CSMD1: variants seen among roughly 807,000 people sequenced by gnomAD.
CSMD1 encodes CUB and sushi domain-containing protein 1.
CSMD1 carries 213 observed loss-of-function variants against 417.5 expected under a neutral mutation model. The observed-to-expected ratio is 0.51, with a 90% CI of 0.46 to 0.57. The LOEUF (loss-of-function observed/expected upper bound fraction) is 0.57. CSMD1 is among the 20% of genes least tolerant of loss of function. The pLI is 0.00. For missense variants in CSMD1, 6,923 were observed against 4,529.7 expected (o/e 1.53, Z -15.17); for synonymous variants, 2,862 against 1,736.8 (o/e 1.65, Z -16.11).
At chr8:3,216,281 A>G (rs1797876128) in intron 29 of CSMD1, among the ~76,000 whole-genome samples, 1 of 152,134 alleles carries the variant, frequency 6.6e-6, no homozygotes, top group Non-Finnish European at 1.5e-5. Flanking sequence ...CAGATCAAAT[A>G]AGTAAACCTG....
At chr8:4,308,189 G>C (rs146052543) in intron 3 of CSMD1, among the ~76,000 whole-genome samples, 4 of 152,140 alleles carry the variant, frequency 2.6e-5, no homozygotes, top group Admixed American at 6.6e-5. Flanking sequence ...TGTGAGTTAG[G>C]AGGTGAAGTC....
intron 4 of CSMD1, among the ~76,000 whole-genome samples, chr8:4,024,448 C>T (rs1041154412): frequency 2.0e-5 from 3 of 152,180 alleles, no homozygotes; most frequent in Admixed American, 6.5e-5. Context: ...TCATATGTTA[C>T]TGATCTTCAA....
At chr8:4,324,152 C>G (rs2128886123) in intron 3 of CSMD1, among the ~76,000 whole-genome samples, 1 of 152,294 alleles carries the variant, frequency 6.6e-6, no homozygotes, top group East Asian at 1.9e-4. Context: ...ATTATCAATG[C>G]TGACAAACAG....
chr8:4,898,589 T>C (rs570362175), intron 1 of CSMD1, among the ~76,000 whole-genome samples: 1 of 152,332 alleles, frequency 6.6e-6, no homozygotes, highest in East Asian at 1.9e-4. Context: ...ATATCCTAGT[T>C]CTTTGAATGG....
chr8:3,393,741 A>C (rs1811490632), intron 17 of CSMD1, among the ~76,000 whole-genome samples: 1 of 151,852 alleles, frequency 6.6e-6, no homozygotes, highest in Non-Finnish European at 1.5e-5. Context: ...TGGCAAAGAC[A>C]AAAAACCAAA....
At chr8:4,187,396 C>G (rs1341525520) in intron 3 of CSMD1, among the ~76,000 whole-genome samples, 1 of 152,048 alleles carries the variant, frequency 6.6e-6, no homozygotes, top group African/African-American at 2.4e-5. Context: ...CCTATAATCC[C>G]AGCACTTTGG....
At chr8:3,964,258 C>A (rs1309283608) in intron 5 of CSMD1, among the ~76,000 whole-genome samples, 1 of 152,140 alleles carries the variant, frequency 6.6e-6, no homozygotes, top group Non-Finnish European at 1.5e-5. Flanking sequence ...GCTATCCCTC[C>A]TTTGGGGCTT....
intron 3 of CSMD1, among the ~76,000 whole-genome samples, chr8:4,047,285 G>A (rs555661198): frequency 1.3e-5 from 2 of 152,144 alleles, no homozygotes; most frequent in Non-Finnish European, 2.9e-5. Context: ...GGGAGGAAGG[G>A]AGGAAGGAGA....
chr8:3,315,886 A>G (rs919162122), intron 23 of CSMD1, among the ~76,000 whole-genome samples: 6 of 152,214 alleles, frequency 3.9e-5, no homozygotes, highest in African/African-American at 1.4e-4. Flanking sequence ...ATAATTTTAA[A>G]TACATTACAT....
intron 4 of CSMD1, among the ~76,000 whole-genome samples, chr8:4,003,862 A>T (rs1050797316): frequency 2.6e-5 from 4 of 152,206 alleles, no homozygotes; most frequent in Non-Finnish European, 4.4e-5. Context: ...ATCACATCCA[A>T]AACGTGTGAT....
chr8:3,483,589 A>C (rs1206061404), intron 11 of CSMD1, among the ~76,000 whole-genome samples: 1 of 152,124 alleles, frequency 6.6e-6, no homozygotes, highest in Non-Finnish European at 1.5e-5. Flanking sequence ...CTCTTGCAGA[A>C]AATAACAAAA....
chr8:3,581,043 T>C (rs572818525), intron 9 of CSMD1, among the ~76,000 whole-genome samples: 2 of 152,332 alleles, frequency 1.3e-5, no homozygotes, highest in East Asian at 3.9e-4. Flanking sequence ...AATACTTTAT[T>C]TCTCTTAGAG....
chr8:4,709,013 A>G (rs1808124796), intron 1 of CSMD1, among the ~76,000 whole-genome samples: 1 of 152,186 alleles, frequency 6.6e-6, no homozygotes, highest in Admixed American at 6.5e-5. Context: ...ACCTTGACAA[A>G]ATAAATGTCT....
chr8:4,763,039 A>G (rs1812219537), intron 1 of CSMD1, among the ~76,000 whole-genome samples: 2 of 152,160 alleles, frequency 1.3e-5, no homozygotes, highest in Non-Finnish European at 2.9e-5. Context: ...CACCCCTAGC[A>G]AGACTTCCAG....
intron 3 of CSMD1, among the ~76,000 whole-genome samples, chr8:4,294,890 T>A (rs1297530107): frequency 6.6e-6 from 1 of 151,846 alleles, no homozygotes; most frequent in Non-Finnish European, 1.5e-5. Flanking sequence ...TAGCTGTCAA[T>A]GTGTATGGAA....
intron 18 of CSMD1, among the ~76,000 whole-genome samples, chr8:3,384,276 C>T (rs7819673): frequency 0.76 from 115,845 of 152,042 alleles, 44,801 homozygotes; most frequent in African/African-American, 0.9. Flanking sequence ...TTTATATCTT[C>T]AATCAATGTG....
chr8:4,257,846 T>G lies in CSMD1; in HGVS notation c.415+162107A>C, dbSNP rs1006459553. ...CATAGGGAATACAGAAAGTAAGCAG[T>G]CATTATTCAGCTACAGCGTACTGAT... On this transcript the variant is annotated intron_variant, in intron 3 of 69. Coordinates refer to ENST00000635120, the MANE Select transcript of CSMD1 (RefSeq NM_033225.6). 1.8e-4 allele frequency among the ~76,000 whole-genome samples: 28 copies of G among 152,348 alleles called. No homozygotes were observed. The Middle Eastern group carries it at 0.027, about 148-fold the overall frequency.
chr8:3,112,070 G>C (rs888959203), intron 42 of CSMD1, among the ~76,000 whole-genome samples: 2 of 151,896 alleles, frequency 1.3e-5, no homozygotes, highest in South Asian at 4.1e-4. Context: ...TCTGCTCACA[G>C]AGCACACGGC....
At chr8:4,729,020 T>A (rs1426602911) in intron 1 of CSMD1, among the ~76,000 whole-genome samples, 8 of 152,088 alleles carry the variant, frequency 5.3e-5, no homozygotes. Flanking sequence ...AAGGCGTTAG[T>A]ATACAGACGG....
Sources: gnomAD v4.1 joint callset for allele counts (sites outside exome capture counted in the v4.1 genomes callset) on GRCh38, gnomAD v4.1.1 for gene constraint, MANE v1.5 for transcripts, NCBI Gene and HGNC (gene_info 2026-07-23, HGNC 2026-07-21) for gene names.